Variants in TAFA5 observed in about 807,000 individuals in gnomAD.
TAFA5 encodes the protein TAFA chemokine like family member 5.
In TAFA5, 6 loss-of-function variants were observed where a neutral mutation model predicts 15.3. The ratio of observed to expected loss-of-function variants is 0.39; its 90% CI spans 0.21 to 0.77. The LOEUF (loss-of-function observed/expected upper bound fraction) is 0.77, where lower values mean the gene tolerates loss of function less well. Ranked by LOEUF, TAFA5 falls within the 30% of genes least tolerant of loss-of-function variation. The pLI, the probability that TAFA5 is intolerant of heterozygous loss-of-function variation, is 0.41. For missense variants in TAFA5, 161 were observed against 193.1 expected, an observed-to-expected ratio of 0.83 and a Z score of 0.98; for synonymous variants, 103 against 80.7, an observed-to-expected ratio of 1.28 and a Z score of -1.48.
intron 2 of TAFA5, among the ~76,000 whole-genome samples, chr22:48,655,424 A>C (rs1031366048): frequency 1.3e-5 from 2 of 152,240 alleles, no homozygotes; most frequent in Non-Finnish European, 2.9e-5. Flanking sequence ...GAAGTCCAAA[A>C]TCAAGGCACT....
At chr22:48,652,136 G>A (rs1927077724) in intron 2 of TAFA5, among the ~76,000 whole-genome samples, 2 of 152,262 alleles carry the variant, frequency 1.3e-5, no homozygotes, top group Admixed American at 1.3e-4. Context: ...CGCCAACGGG[G>A]CCCCCAGGGC....
At chr22:48,503,605 A>C (rs1441204766) in intron 1 of TAFA5, among the ~76,000 whole-genome samples, 1 of 152,240 alleles carries the variant, frequency 6.6e-6, no homozygotes, top group Non-Finnish European at 1.5e-5. Flanking sequence ...TCCAGCTACA[A>C]ACGGAATCTT....
At chr22:48,499,486 G>A (rs993705016) in intron 1 of TAFA5, among the ~76,000 whole-genome samples, 1 of 152,214 alleles carries the variant, frequency 6.6e-6, no homozygotes, top group Middle Eastern at 3.4e-3. Flanking sequence ...CCATCTCTGC[G>A]CCTCCCCCAG....
At chr22:48,643,514 G>T (rs1432724257) in intron 1 of TAFA5, among the ~76,000 whole-genome samples, 2 of 152,232 alleles carry the variant, frequency 1.3e-5, no homozygotes, top group African/African-American at 4.8e-5. Context: ...CCCAGTGCGT[G>T]GCACCTGTGC....
chr22:48,690,777 G>C (rs58867417), intron 2 of TAFA5, among the ~76,000 whole-genome samples: 49,001 of 152,084 alleles, frequency 0.32, 8,088 homozygotes, highest in Non-Finnish European at 0.36. Context: ...CAGCCCCAAT[G>C]AGTGGCCTTG....
chr22:48,544,446 G>C (rs778088038), intron 1 of TAFA5: 7 of 347,642 alleles, frequency 2.0e-5, no homozygotes, highest in Non-Finnish European at 3.4e-5. Context: ...CCCGTCCCTC[G>C]AGGTGACATC....
intron 1 of TAFA5, among the ~76,000 whole-genome samples, chr22:48,532,427 T>C (rs1922005375): frequency 6.6e-6 from 1 of 152,244 alleles, no homozygotes; most frequent in Non-Finnish European, 1.5e-5. Context: ...TCCTGCTCAA[T>C]CCCAAGGCTG....
chr22:48,710,528 G>A (rs549134580), intron 3 of TAFA5, among the ~76,000 whole-genome samples: 2 of 152,158 alleles, frequency 1.3e-5, no homozygotes, highest in Admixed American at 6.5e-5. Context: ...TCCCGCATCC[G>A]TCCAGGGCCG....
At chr22:48,732,250 T>TTGTTG in intron 3 of TAFA5, among the ~76,000 whole-genome samples, 1 of 79,608 alleles carries the variant, frequency 1.3e-5, no homozygotes, top group South Asian at 3.0e-4. Context: ...GTGGGTTTTT[T>TTGTTG]TGTTGTTTTG....
chr22:48,692,252 C>T (rs1203268295), intron 2 of TAFA5, among the ~76,000 whole-genome samples: 1 of 152,126 alleles, frequency 6.6e-6, no homozygotes, highest in African/African-American at 2.4e-5. Context: ...GGGAGGGCTG[C>T]AGTAGGTCAG....
At chr22:48,708,370 C>G (rs1929148661) in intron 3 of TAFA5, among the ~76,000 whole-genome samples, 2 of 152,208 alleles carry the variant, frequency 1.3e-5, no homozygotes, top group African/African-American at 4.8e-5. Flanking sequence ...TCTCTGTCCC[C>G]CTGAGTGGGG....
intron 3 of TAFA5, among the ~76,000 whole-genome samples, chr22:48,715,586 G>A (rs1315964855): frequency 6.6e-6 from 1 of 152,204 alleles, no homozygotes; most frequent in Admixed American, 6.5e-5. Flanking sequence ...GGAAGGGTGT[G>A]GTTGTGACCC....
chr22:48,640,341 C>T (rs944885317), intron 1 of TAFA5, among the ~76,000 whole-genome samples: 1 of 152,312 alleles, frequency 6.6e-6, no homozygotes, highest in East Asian at 1.9e-4. Flanking sequence ...ACCCACCGCC[C>T]CCTGCATGCC....
At chr22:48,533,721 T>G (rs1922050708) in intron 1 of TAFA5, among the ~76,000 whole-genome samples, 1 of 152,158 alleles carries the variant, frequency 6.6e-6, no homozygotes, top group South Asian at 2.1e-4. Flanking sequence ...AGAATGAAAT[T>G]TCGCAGTGAG....
chr22:48,602,799 G>C (rs1435854338), intron 1 of TAFA5, among the ~76,000 whole-genome samples: 2 of 152,184 alleles, frequency 1.3e-5, no homozygotes, highest in Non-Finnish European at 2.9e-5. Flanking sequence ...GGTGCCAAGA[G>C]ATGGTTTGGC....
At chr22:48,520,589 C>T (rs1921569776) in intron 1 of TAFA5, among the ~76,000 whole-genome samples, 1 of 152,150 alleles carries the variant, frequency 6.6e-6, no homozygotes, top group Non-Finnish European at 1.5e-5. Flanking sequence ...CCATCGGGGA[C>T]TTGAGATTAA....
chr22:48,617,517 C>T (rs927230634), intron 1 of TAFA5, among the ~76,000 whole-genome samples: 7 of 152,188 alleles, frequency 4.6e-5, no homozygotes, highest in East Asian at 1.9e-4. Flanking sequence ...CAGGCACTCC[C>T]GTCCCTGCCT....
intron 1 of TAFA5, among the ~76,000 whole-genome samples, chr22:48,609,338 G>A (rs536377666): frequency 5.3e-5 from 8 of 152,336 alleles, no homozygotes; most frequent in East Asian, 3.9e-4. Context: ...GTGGACGCTC[G>A]GCCAGGCAGC....
intron 1 of TAFA5, among the ~76,000 whole-genome samples, chr22:48,556,333 G>A (rs991643451): frequency 6.6e-6 from 1 of 152,108 alleles, no homozygotes; most frequent in African/African-American, 2.4e-5. Context: ...ACCTAGTGAG[G>A]TTGTGGCTGC....
Sources: allele counts gnomAD v4.1 joint callset (sites outside exome capture counted in the v4.1 genomes callset), GRCh38; gene constraint gnomAD v4.1.1; transcripts MANE v1.5; gene names NCBI Gene and HGNC (gene_info 2026-07-23, HGNC 2026-07-21).